The following PAM variants were observed in gnomAD, a reference collection of about 807,000 sequenced individuals.
PAM encodes the protein peptidyl-glycine alpha-amidating monooxygenase.
A neutral mutation model predicts 122.1 loss-of-function variants in PAM; 72 were observed. That is an observed-to-expected ratio of 0.59 (90% confidence interval 0.49 to 0.72). The LOEUF (loss-of-function observed/expected upper bound fraction) is 0.72, where lower values mean the gene tolerates loss of function less well. Ranked by LOEUF, PAM falls within the 30% of genes least tolerant of loss-of-function variation. The pLI, the probability that PAM is intolerant of heterozygous loss-of-function variation, is 0.00. For synonymous variants in PAM, 389 were observed against 404.4 expected (o/e 0.96, Z 0.46); for missense variants, 1,106 against 1,183.7 (o/e 0.93, Z 0.96).
At chr5:102,909,095 A>C (rs1028305408) in intron 4 of PAM, among the ~76,000 whole-genome samples, 1 of 151,748 alleles carries the variant, frequency 6.6e-6, no homozygotes, top group African/African-American at 2.4e-5. Flanking sequence ...AATTTTTTTT[A>C]TTCATGACAT....
chr5:102,981,836 GA>G (rs1769990124), intron 15 of PAM, among the ~76,000 whole-genome samples: 2 of 152,124 alleles, frequency 1.3e-5, no homozygotes, highest in African/African-American at 4.8e-5. Flanking sequence ...AAGCAACTTT[GA>G]AATCATTTTA....
At chr5:102,920,009 A>G (rs1346975835) in intron 5 of PAM, among the ~76,000 whole-genome samples, 2 of 152,128 alleles carry the variant, frequency 1.3e-5, no homozygotes, top group African/African-American at 4.8e-5. Context: ...TGTTAAATAC[A>G]GTAGCAATAT....
At chr5:102,966,652 A>G (rs1202624369) in intron 14 of PAM, among the ~76,000 whole-genome samples, 1 of 152,208 alleles carries the variant, frequency 6.6e-6, no homozygotes, top group Non-Finnish European at 1.5e-5. Context: ...CATAAAACAA[A>G]TTATTAAATT....
rs115654591 is a variant in PAM, at chr5:102,989,981, A to G, written c.1484-291A>G. ...GAGTAAAGTAAAAATCTTGTTGAGA[A>G]GAAGGCTGTCTCAAATTTACCCTTT... On this transcript the variant is annotated intron_variant, in intron 15 of 25. Transcript: ENST00000438793. The G allele has an allele frequency of 2.6e-3, 541 of 211,500 alleles. 6 individuals carry two copies. Among genetic ancestry groups the G allele is most frequent in the African/African-American group, 0.011 (503 of 43,844 alleles). 13.1% of individuals were successfully genotyped at this position (211,500 alleles called of 1,614,324 possible).
intron 14 of PAM, among the ~76,000 whole-genome samples, chr5:102,963,647 G>C (rs1561404): frequency 0.29 from 43,970 of 151,586 alleles, 6,624 homozygotes; most frequent in East Asian, 0.43. Context: ...CAGAAGATGT[G>C]AAACCCCTGT....
intron 4 of PAM, among the ~76,000 whole-genome samples, chr5:102,910,029 C>G (rs180680362): frequency 1.3e-5 from 2 of 151,898 alleles, no homozygotes; most frequent in African/African-American, 4.8e-5. Context: ...ATGAATATCT[C>G]CAAAATTGCT....
intron 24 of PAM, 67 bp downstream of exon 24, chr5:103,025,401 A>G: frequency 7.7e-7 from 1 of 1,301,430 alleles, no homozygotes; most frequent in Non-Finnish European, 1.1e-6. Flanking sequence ...AATTATCCTC[A>G]GGAGTTTGAT....
intron 1 of PAM, among the ~76,000 whole-genome samples, chr5:102,794,273 T>C (rs934895734): frequency 6.6e-6 from 1 of 151,896 alleles, no homozygotes; most frequent in Non-Finnish European, 1.5e-5. Flanking sequence ...CAGCCTGGAG[T>C]GGAGGTGTGA....
At chr5:102,933,441 C>G (rs1752241136) in intron 7 of PAM, among the ~76,000 whole-genome samples, 1 of 152,242 alleles carries the variant, frequency 6.6e-6, no homozygotes, top group Admixed American at 6.5e-5. Flanking sequence ...TTTCCTTGCC[C>G]TCTTGCATTA....
At chr5:102,928,616 A>G (rs532427036) in intron 7 of PAM, among the ~76,000 whole-genome samples, 2 of 152,286 alleles carry the variant, frequency 1.3e-5, no homozygotes, top group South Asian at 4.1e-4. Context: ...AGCTTTATTT[A>G]GAGTAGTAAG....
chr5:102,848,270 T>C, intron 1 of PAM, among the ~76,000 whole-genome samples: 1 of 152,218 alleles, frequency 6.6e-6, no homozygotes. Flanking sequence ...CCTGATTATT[T>C]TGGGGAATCT....
intron 1 of PAM, among the ~76,000 whole-genome samples, chr5:102,804,686 C>T (rs1324814187): frequency 6.6e-6 from 1 of 152,130 alleles, no homozygotes. Flanking sequence ...CTCATCTGGA[C>T]TAGGAGGAAG....
At chr5:102,994,475 A>T (rs771528167) in intron 16 of PAM, among the ~76,000 whole-genome samples, 4 of 152,118 alleles carry the variant, frequency 2.6e-5, no homozygotes, top group African/African-American at 9.7e-5. Flanking sequence ...CTCCCCTTTA[A>T]GTGTTTCGCC....
chr5:102,958,420 A>G (rs1761472002), intron 12 of PAM, among the ~76,000 whole-genome samples: 1 of 152,102 alleles, frequency 6.6e-6, no homozygotes, highest in Non-Finnish European at 1.5e-5. Context: ...GAAGGATAAT[A>G]TGGCGGGAGG....
intron 1 of PAM, among the ~76,000 whole-genome samples, chr5:102,824,252 T>C (rs540076338): frequency 6.6e-6 from 1 of 152,360 alleles, no homozygotes; most frequent in South Asian, 2.1e-4. Context: ...GAGCATAGTA[T>C]ACGGAACCAA....
Position 103,005,210 on chromosome 5 carries a change from A to G in PAM, c.1787A>G (p.Asp596Gly). ...AAAGATGGGAATTATTGGGTCACAG[A>G]CGTGGCTCTCCATCAGGTAGTCTTC... ...IDKDGNYWVT[D>G]VALHQVFKLD... The change falls in exon 18 of 26, where the codon GAC (aspartate) becomes GGC (glycine). Residue 596 changes from aspartate to glycine, a missense_variant. Physicochemically the swap from Asp to Gly is moderately conservative, Grantham distance 94. Coordinates refer to ENST00000438793, the MANE Select transcript of PAM (RefSeq NM_001177306.2). The G allele has an allele frequency of 7.0e-7, 1 of 1,426,144 alleles. No homozygotes were observed. The highest frequency in any genetic ancestry group is 9.9e-7 in the Non-Finnish European group (1 of 1,010,420). 88.3% of individuals were successfully genotyped at this position (1,426,144 alleles called of 1,614,324 possible).
At chr5:102,766,787 C>T (rs1302122493) in intron 1 of PAM, among the ~76,000 whole-genome samples, 2 of 152,006 alleles carry the variant, frequency 1.3e-5, no homozygotes, top group Non-Finnish European at 2.9e-5. Flanking sequence ...CAAAAGTACT[C>T]ATTAATTTTT....
intron 7 of PAM, among the ~76,000 whole-genome samples, chr5:102,934,175 C>T (rs1232469373): frequency 1.3e-5 from 2 of 152,150 alleles, no homozygotes; most frequent in Non-Finnish European, 2.9e-5. Context: ...ATTGTTACTG[C>T]TCCTCCAACC....
At position 102,864,263 on chromosome 5, in the gene PAM, C is replaced by G. The variant is rs145967819; in HGVS notation, c.-373-1560C>G. ...GATTATACTTTGTTGCTAGCAAAGGCAATAGCATAGCCTTCCTGCCAATTG... is the reference window on the plus strand; with the variant it reads ...GATTATACTTTGTTGCTAGCAAAGGGAATAGCATAGCCTTCCTGCCAATTG... On this transcript the variant is annotated intron_variant, in intron 1 of 25. Coordinates refer to ENST00000438793, the MANE Select transcript of PAM (RefSeq NM_001177306.2). Among the ~76,000 whole-genome samples the G allele has an allele frequency of 2.2e-3, 329 of 150,196 alleles. 1 individual carries two copies. Among genetic ancestry groups the G allele is most frequent in the African/African-American group, 7.7e-3 (313 of 40,812 alleles).
Sources: gnomAD v4.1 joint callset for allele counts (sites outside exome capture counted in the v4.1 genomes callset) on GRCh38, gnomAD v4.1.1 for gene constraint, MANE v1.5 for transcripts, NCBI Gene and HGNC (gene_info 2026-07-23, HGNC 2026-07-21) for gene names.